LHFPL6: variants seen among roughly 807,000 people sequenced by gnomAD.
The protein encoded by LHFPL6 is LHFPL tetraspan subfamily member 6 protein.
LHFPL6 carries 9 observed loss-of-function variants against 20.6 expected under a neutral mutation model. That is an observed-to-expected ratio of 0.44 (90% CI 0.26 to 0.76). The LOEUF (loss-of-function observed/expected upper bound fraction) is 0.76. LHFPL6 is among the 30% of genes least tolerant of loss of function. The pLI, the probability that LHFPL6 is intolerant of heterozygous loss-of-function variation, is 0.20. For missense variants in LHFPL6, 218 were observed against 253.5 expected, an observed-to-expected ratio of 0.86 and a Z score of 0.95; for synonymous variants, 105 against 98.7, an observed-to-expected ratio of 1.06 and a Z score of -0.38.
intron 3 of LHFPL6, among the ~76,000 whole-genome samples, chr13:39,347,190 A>G (rs893069746): frequency 2.0e-5 from 3 of 150,180 alleles, no homozygotes; most frequent in African/African-American, 7.4e-5. Context: ...CTTCATGACC[A>G]CTCTCTCCTG....
Position 39,488,691 on chromosome 13 carries a change from G to A in LHFPL6, c.386-110165C>T, listed in dbSNP as rs370068315. 1.2e-3 allele frequency among the ~76,000 whole-genome samples: 183 copies of A among 152,230 alleles called. 1 individual carries two copies. Among genetic ancestry groups the A allele is most frequent in the African/African-American group, 4.2e-3 (174 of 41,508 alleles). On this transcript the variant is annotated intron_variant, in intron 2 of 3. Coordinates refer to ENST00000379589, the MANE Select transcript of LHFPL6 (RefSeq NM_005780.3). ...CATTATAATGTATTTTATAATCAGC[G>A]CCTAGTAGCCAGGCTCAGGACTCCC...
At chr13:39,516,107 T>C (rs1869905461) in intron 2 of LHFPL6, among the ~76,000 whole-genome samples, 2 of 152,200 alleles carry the variant, frequency 1.3e-5, no homozygotes, top group Admixed American at 1.3e-4. Context: ...TATTGTCTGA[T>C]CCTTCTGGAA....
At chr13:39,531,334 G>A (rs1452102102) in intron 2 of LHFPL6, among the ~76,000 whole-genome samples, 1 of 152,130 alleles carries the variant, frequency 6.6e-6, no homozygotes, top group Non-Finnish European at 1.5e-5. Flanking sequence ...GAGAATTAAT[G>A]AGCCTCATTG....
chr13:39,372,523 C>T (rs1870189809), intron 3 of LHFPL6, among the ~76,000 whole-genome samples: 1 of 152,184 alleles, frequency 6.6e-6, no homozygotes, highest in African/African-American at 2.4e-5. Flanking sequence ...CTACTCCTTG[C>T]TTCTTCATAA....
Position 39,343,012 on chromosome 13 carries a change from A to G in LHFPL6, c.*924T>C, listed in dbSNP as rs1179677265. The G allele has an allele frequency of 5.2e-6, 1 of 193,122 alleles. No homozygotes were observed. The highest frequency in any genetic ancestry group is 1.1e-5 in the Non-Finnish European group (1 of 92,208). 12.0% of individuals were successfully genotyped at this position (193,122 alleles called of 1,614,324 possible). A position where few individuals can be genotyped will look rare whatever the true frequency, so the allele number is the denominator to read the frequency against. The stretch of plus-strand genomic sequence containing the variant: ...GGTACAGCACAGTACAATAATGGAC[A>G]AAAGAAAACACGATCCAATGACTGG... On this transcript the variant is annotated 3_prime_UTR_variant, in exon 4 of 4. Coordinates refer to ENST00000379589, the MANE Select transcript of LHFPL6 (RefSeq NM_005780.3).
At chr13:39,569,148 T>TGGACGGACGGAC (rs747576240) in intron 2 of LHFPL6, among the ~76,000 whole-genome samples, 68 of 144,500 alleles carry the variant, frequency 4.7e-4, no homozygotes, top group Admixed American at 1.3e-3. Context: ...GATGGATGGA[T>TGGACGGACGGAC]GGACGGACGG....
chr13:39,435,791 A>G (rs1342072551), intron 2 of LHFPL6, among the ~76,000 whole-genome samples: 1 of 152,164 alleles, frequency 6.6e-6, no homozygotes, highest in African/African-American at 2.4e-5. Flanking sequence ...TACCACTTTA[A>G]TAACTACATA....
chr13:39,540,152 A>C (rs1031935953), intron 2 of LHFPL6, among the ~76,000 whole-genome samples: 2 of 152,160 alleles, frequency 1.3e-5, no homozygotes, highest in Non-Finnish European at 2.9e-5. Context: ...ACTCCTGCCA[A>C]GTTTCAAGGT....
chr13:39,485,097 T>G (rs1868682540), intron 2 of LHFPL6, among the ~76,000 whole-genome samples: 1 of 152,158 alleles, frequency 6.6e-6, no homozygotes, highest in Admixed American at 6.5e-5. Flanking sequence ...CAGGCTCACT[T>G]TGCCCTCATG....
intron 3 of LHFPL6, among the ~76,000 whole-genome samples, chr13:39,374,723 A>G (rs1229833373): frequency 6.6e-6 from 1 of 152,170 alleles, no homozygotes; most frequent in Non-Finnish European, 1.5e-5. Flanking sequence ...GTCAACCACA[A>G]TTTCCATTCT....
intron 3 of LHFPL6, among the ~76,000 whole-genome samples, chr13:39,351,179 C>A (rs916302272): frequency 6.6e-6 from 1 of 152,174 alleles, no homozygotes; most frequent in African/African-American, 2.4e-5. Flanking sequence ...AGACGTTATA[C>A]TTGTGCTAAG....
rs1872925750 is a variant in LHFPL6 at position 39,601,014 on chromosome 13, C to T, written c.203G>A (p.Cys68Tyr). 8.1e-6 allele frequency: 13 copies of T among 1,614,174 alleles called. No individual in the cohort carries two copies. Among genetic ancestry groups the T allele is most frequent in the Non-Finnish European group, 1.1e-5 (13 of 1,180,020 alleles). ...GCCCTGGAAGGAGGCATAGCGCCCA[C>T]ATTCCTCCACCATCACCATCATCTG... ...SRQMMVMVEE[C>Y]GRYASFQGIP... The change falls in exon 2 of 4, where the codon TGT (cysteine) becomes TAT (tyrosine). Residue 68 changes from cysteine to tyrosine, a missense_variant. Physicochemically the swap from Cys to Tyr is radical, Grantham distance 194. Coordinates refer to ENST00000379589, the MANE Select transcript of LHFPL6 (RefSeq NM_005780.3).
intron 2 of LHFPL6, among the ~76,000 whole-genome samples, chr13:39,592,711 C>G (rs1368196246): frequency 6.6e-6 from 1 of 152,254 alleles, no homozygotes; most frequent in African/African-American, 2.4e-5. Context: ...AACATAGATG[C>G]AAAATTCCTC....
intron 3 of LHFPL6, among the ~76,000 whole-genome samples, chr13:39,375,235 A>C (rs889325634): frequency 6.6e-5 from 10 of 152,192 alleles, no homozygotes; most frequent in Non-Finnish European, 4.4e-5. Context: ...CTTAACCAAG[A>C]ATGCTCACTC....
At chr13:39,368,228 G>T (rs1391868048) in intron 3 of LHFPL6, among the ~76,000 whole-genome samples, 1 of 151,808 alleles carries the variant, frequency 6.6e-6, no homozygotes, top group African/African-American at 2.4e-5. Context: ...CTATTTGGGA[G>T]GGCGAGGCAG....
In LHFPL6 at chr13:39,596,334, C is replaced by T. The variant is rs530787389; in HGVS notation, c.385+4498G>A. On this transcript the variant is annotated intron_variant, in intron 2 of 3. Transcript: ENST00000379589. ...ACTTTAACTCAGTTCTGAAAGTAAGCCATCTACCAGAAGTCTCATCTTCTT... is the reference window on the plus strand; with the variant it reads ...ACTTTAACTCAGTTCTGAAAGTAAGTCATCTACCAGAAGTCTCATCTTCTT... 1.8e-4 allele frequency among the ~76,000 whole-genome samples: 27 copies of T among 152,176 alleles called. No homozygotes were observed. In the South Asian group the frequency reaches 5.6e-3, roughly 32 times the overall value.
intron 2 of LHFPL6, among the ~76,000 whole-genome samples, chr13:39,444,425 T>A (rs2138416359): frequency 6.6e-6 from 1 of 152,322 alleles, no homozygotes; most frequent in Admixed American, 6.5e-5. Context: ...CAGGTTCTAC[T>A]CATCAAGACT....
rs567598453 is a variant in LHFPL6, at chr13:39,542,918, T to A, written c.385+57914A>T. Reference sequence around the variant, plus strand: ...AAGTATAAATTTTAGTGGCATTAAGTATGTCCACGATGGTGTACAACCATC... The same window carrying A: ...AAGTATAAATTTTAGTGGCATTAAGAATGTCCACGATGGTGTACAACCATC... On this transcript the variant is annotated intron_variant, in intron 2 of 3. Coordinates refer to ENST00000379589, the MANE Select transcript of LHFPL6 (RefSeq NM_005780.3). 4.6e-5 allele frequency among the ~76,000 whole-genome samples: 7 copies of A among 152,342 alleles called. No individual in the cohort carries two copies. In the South Asian group the frequency reaches 1.5e-3, roughly 32 times the overall value.
At chr13:39,486,092 C>A (rs923177491) in intron 2 of LHFPL6, among the ~76,000 whole-genome samples, 1 of 152,146 alleles carries the variant, frequency 6.6e-6, no homozygotes, top group African/African-American at 2.4e-5. Flanking sequence ...GACCCCAAAC[C>A]CACTCCACAC....
Sources: gnomAD v4.1 joint callset for allele counts (sites outside exome capture counted in the v4.1 genomes callset) on GRCh38, gnomAD v4.1.1 for gene constraint, MANE v1.5 for transcripts, NCBI Gene and HGNC (gene_info 2026-07-23, HGNC 2026-07-21) for gene names.